The following BRCA2 variants were observed in gnomAD, a reference collection of about 807,000 sequenced individuals.
The protein encoded by BRCA2 is breast cancer type 2 susceptibility protein.
In BRCA2, 203 loss-of-function variants were observed where a neutral mutation model predicts 276.7. The ratio of observed to expected loss-of-function variants is 0.73; its 90% CI spans 0.65 to 0.82. BRCA2 has a LOEUF of 0.82. BRCA2 is among the 40% of genes least tolerant of loss of function. The pLI, the probability that BRCA2 is intolerant of heterozygous loss-of-function variation, is 0.00. For synonymous variants in BRCA2, 1,289 were observed against 1,338.4 expected, an observed-to-expected ratio of 0.96 and a Z score of 0.81; for missense variants, 3,920 against 3,915.0, an observed-to-expected ratio of 1.00 and a Z score of -0.03.
intron 2 of BRCA2, among the ~76,000 whole-genome samples, chr13:32,317,546 T>C (rs2072272658): frequency 6.6e-6 from 1 of 152,236 alleles, no homozygotes; most frequent in South Asian, 2.1e-4. Context: ...ACCATAGGTC[T>C]TTCCCATGTC....
chr13:32,345,864 C>T (rs893791495), intron 12 of BRCA2, among the ~76,000 whole-genome samples: 1 of 151,958 alleles, frequency 6.6e-6, no homozygotes, highest in Admixed American at 6.6e-5. Context: ...CATGTTGGCA[C>T]TCAAAAAGTT....
intron 24 of BRCA2, 66 bp downstream of exon 24, chr13:32,380,211 T>G (rs149987471): frequency 6.6e-7 from 1 of 1,508,972 alleles, no homozygotes; most frequent in East Asian, 2.4e-5. Flanking sequence ...TTAAAATCTC[T>G]TATGATTAGT....
chr13:32,327,087 A>G (rs967413104), intron 7 of BRCA2, among the ~76,000 whole-genome samples: 2 of 152,236 alleles, frequency 1.3e-5, no homozygotes, highest in Admixed American at 6.5e-5. Flanking sequence ...TGCAATATTT[A>G]TCCATTCATT....
At chr13:32,380,276 CTT>C in intron 24 of BRCA2, 131 bp downstream of exon 24, 1 of 832,614 alleles carries the variant, frequency 1.2e-6, no homozygotes, top group Non-Finnish European at 1.8e-6. Flanking sequence ...AAGTAAGCCT[CTT>C]TGAACCTCTG....
chr13:32,356,689 T>C, intron 15 of BRCA2, 80 bp downstream of exon 15: 10 of 1,486,392 alleles, frequency 6.7e-6, no homozygotes, highest in South Asian at 4.6e-5. Flanking sequence ...ACAAATGGCT[T>C]TGTTTAAAGA....
intron 11 of BRCA2, among the ~76,000 whole-genome samples, chr13:32,342,270 C>CAAAAAA (rs58295304): frequency 7.5e-6 from 1 of 133,634 alleles, no homozygotes. Context: ...GAGACTGTCT[C>CAAAAAA]AAAAAAAAAA....
rs886039318 is a variant in BRCA2, at chr13:32,339,474, AC to A, written c.5120del (p.Thr1707MetfsTer5). ...TGATGGTCAACCAGAAAGAATAAAT[AC>A]TGCAGATTATGTAGGAAATTATTTG... ...IFDGQPERIN[T>X]ADYVGNYLYE... On this transcript the variant is annotated frameshift_variant, in exon 11 of 27. Coordinates refer to ENST00000380152, the MANE Select transcript of BRCA2 (RefSeq NM_000059.4). LOFTEE classifies it high-confidence loss of function. The A allele has an allele frequency of 6.3e-7, 1 of 1,584,566 alleles. No homozygotes were observed. The highest frequency in any genetic ancestry group is 1.9e-5 in the Admixed American group (1 of 53,666).
rs1555282412 is a variant in BRCA2 at position 32,336,388 on chromosome 13, A to C, written c.2033A>C (p.Asn678Thr). 1 of 1,612,816 alleles carries C rather than the reference A, an allele frequency of 6.2e-7. No homozygotes were observed. The highest frequency in any genetic ancestry group is 2.2e-5 in the East Asian group (1 of 44,858). ...TGTTCTAGAAATGAAACATGTTCTA[A>C]TAATACAGTAATCTCTCAGGATCTT... is the stretch of plus-strand genomic sequence containing the variant. The part of the protein sequence containing the change: ...RKCSRNETCS[N>T]NTVISQDLDY... The change falls in exon 11 of 27, where the codon AAT becomes ACT. Residue 678 changes from asparagine (N) to threonine (T), a missense_variant. Coordinates refer to ENST00000380152, the MANE Select transcript of BRCA2 (RefSeq NM_000059.4).
rs2137561546 is a variant in BRCA2, at chr13:32,356,410, G to A, written c.7436-18G>A. ...TAAATTTCAATTTTATTTTTGCTAA[G>A]TATTTATTCTTTGATAGATTTAATT... On this transcript the variant is annotated intron_variant, in intron 14 of 26. Transcript: ENST00000380152. The A allele has an allele frequency of 1.2e-6, 2 of 1,608,056 alleles. No individual in the cohort carries two copies. The highest frequency in any genetic ancestry group is 1.7e-6 in the Non-Finnish European group (2 of 1,174,622).
chr13:32,377,894 G>A (rs2072884778), intron 21 of BRCA2, among the ~76,000 whole-genome samples: 1 of 152,058 alleles, frequency 6.6e-6, no homozygotes, highest in African/African-American at 2.4e-5. Context: ...CTTAAATAGT[G>A]GGACTACAAA....
intron 12 of BRCA2, among the ~76,000 whole-genome samples, chr13:32,346,566 C>A (rs187941100): frequency 2.3e-4 from 35 of 152,136 alleles, no homozygotes; most frequent in African/African-American, 7.9e-4. Context: ...TTAGCTAACA[C>A]CTTTGAGTTA....
chr13:32,339,234 C>G lies in BRCA2; in HGVS notation c.4879C>G (p.Leu1627Val), dbSNP rs2137511207. 6.2e-7 allele frequency: 1 copy of G among 1,613,132 alleles called. No individual in the cohort carries two copies. Among genetic ancestry groups the G allele is most frequent in the Non-Finnish European group, 8.5e-7 (1 of 1,179,564 alleles). ...SDNLCRQTEN[L>V]KTSKSIFLKV... Reference sequence around the variant, plus strand: ...TAATTTATGTAGACAAACTGAAAATCTCAAAACATCAAAAAGTATCTTTTT... The same window carrying G: ...TAATTTATGTAGACAAACTGAAAATGTCAAAACATCAAAAAGTATCTTTTT... Residue 1627 changes from leucine (L) to valine (V), a missense_variant, in exon 11 of 27, where the codon CTC becomes GTC. Coordinates refer to ENST00000380152, the MANE Select transcript of BRCA2 (RefSeq NM_000059.4).
At chr13:32,320,544 T>C (rs2072299748) in intron 3 of BRCA2, among the ~76,000 whole-genome samples, 1 of 152,242 alleles carries the variant, frequency 6.6e-6, no homozygotes, top group Admixed American at 6.5e-5. Context: ...ATTTGCGTGC[T>C]CGTCTTTCAG....
chr13:32,346,862 G>C lies in BRCA2; in HGVS notation c.6973G>C (p.Val2325Leu), dbSNP rs757647065. The C allele has an allele frequency of 1.2e-6, 2 of 1,610,324 alleles. No homozygotes were observed. Among genetic ancestry groups the C allele is most frequent in the East Asian group, 4.5e-5 (2 of 44,680 alleles). ...IKDRRLFMHH[V>L]SLEPITCVPF... ...AGATCGAAGATTGTTTATGCATCAT[G>C]TTTCTTTAGAGCCGATTACCTGTGT... is the stretch of plus-strand genomic sequence containing the variant. The change falls in exon 13 of 27, where the codon GTT becomes CTT. Residue 2325 changes from valine (V) to leucine (L), a missense_variant. This residue lies in a region of BRCA2 where 3,263 missense variants were observed against 3,156.9 expected (regional missense o/e 1.03). Transcript: ENST00000380152.
intron 13 of BRCA2, 86 bp from the exon 14 acceptor site, chr13:32,354,775 C>A: frequency 1.1e-6 from 1 of 941,114 alleles, no homozygotes; most frequent in Non-Finnish European, 1.7e-6. Context: ...CACCATGTAG[C>A]AAATGAGGGT....
Position 32,399,527 on chromosome 13 carries a change from G to A in BRCA2, c.*757G>A, listed in dbSNP as rs1217631657. 2 of 182,218 alleles carry A rather than the reference G, an allele frequency of 1.1e-5. No homozygotes were observed. Among genetic ancestry groups the A allele is most frequent in the African/African-American group, 4.7e-5 (2 of 42,506 alleles). 11.3% of individuals were successfully genotyped at this position (182,218 alleles called of 1,614,324 possible). On this transcript the variant is annotated 3_prime_UTR_variant, in exon 27 of 27. Transcript: ENST00000380152. ...TCTAATTCCTTTTTACTATTCCAGT[G>A]TGATCTCTGAAATTAAATTACTTCA...
intron 24 of BRCA2, among the ~76,000 whole-genome samples, chr13:32,393,826 G>A (rs1263469448): frequency 6.6e-6 from 1 of 152,126 alleles, no homozygotes; most frequent in African/African-American, 2.4e-5. Context: ...TATTGGGTAT[G>A]TGAAGTATCA....
chr13:32,347,630 C>A (rs145909065), intron 13 of BRCA2, among the ~76,000 whole-genome samples: 1 of 152,106 alleles, frequency 6.6e-6, no homozygotes, highest in Admixed American at 6.6e-5. Flanking sequence ...GGGAAAGATA[C>A]TAAAATGAAA....
chr13:32,320,133 T>C (rs990572520), intron 3 of BRCA2, among the ~76,000 whole-genome samples: 1 of 152,188 alleles, frequency 6.6e-6, no homozygotes, highest in Non-Finnish European at 1.5e-5. Context: ...GCTTTGGTTG[T>C]TTTGTGTCTG....
Sources: allele counts gnomAD v4.1 joint callset (sites outside exome capture counted in the v4.1 genomes callset), GRCh38; gene constraint gnomAD v4.1.1; regional missense constraint gnomAD v4.1.1; transcripts MANE v1.5; gene names NCBI Gene and HGNC (gene_info 2026-07-23, HGNC 2026-07-21).